Variants in JAZF1 observed in about 807,000 individuals in gnomAD.
The protein encoded by JAZF1 is juxtaposed with another zinc finger protein 1.
In JAZF1, 8 loss-of-function variants were observed where a neutral mutation model predicts 26.4. The observed-to-expected ratio is 0.30, with a 90% CI of 0.18 to 0.55. JAZF1 has a LOEUF of 0.55. Among genes scored for constraint, JAZF1 ranks in the 20% least tolerant of loss-of-function variants. The pLI, the probability that JAZF1 is intolerant of heterozygous loss-of-function variation, is 0.94. For synonymous variants in JAZF1, 126 were observed against 122.3 expected (o/e 1.03, Z -0.20); for missense variants, 199 against 322.0 (o/e 0.62, Z 2.92).
rs928220824 is a variant in JAZF1, at chr7:28,079,809, C to T, written c.116-87828G>A. 2.6e-5 allele frequency among the ~76,000 whole-genome samples: 4 copies of T among 152,188 alleles called. No homozygotes were observed. In the East Asian group the frequency reaches 5.8e-4, roughly 22 times the overall value. ...TAATAACCTTTATTGACTGCAGCAT[C>T]GGTTTACGAACCCTGCTGATTGTTC... On this transcript the variant is annotated intron_variant, in intron 1 of 4. Coordinates refer to ENST00000283928, the MANE Select transcript of JAZF1 (RefSeq NM_175061.4).
At chr7:28,146,918 G>A (rs1198548201) in intron 1 of JAZF1, among the ~76,000 whole-genome samples, 1 of 149,670 alleles carries the variant, frequency 6.7e-6, no homozygotes, top group Non-Finnish European at 1.5e-5. Context: ...GTGCAATGGC[G>A]TGATCTCAGC....
intron 1 of JAZF1, among the ~76,000 whole-genome samples, chr7:28,120,418 T>C (rs985883979): frequency 6.6e-6 from 1 of 150,470 alleles, no homozygotes. Flanking sequence ...AATAGAAATA[T>C]GAAGGAAGTC....
rs74420532 is a variant in JAZF1, at chr7:27,884,084, C to T, written c.385+11136G>A. Among the ~76,000 whole-genome samples the T allele has an allele frequency of 8.4e-3, 1,274 of 152,314 alleles. 16 individuals carry two copies. Among genetic ancestry groups the T allele is most frequent in the African/African-American group, 0.028 (1,160 of 41,554 alleles). On this transcript the variant is annotated intron_variant, in intron 3 of 4. Coordinates refer to ENST00000283928, the MANE Select transcript of JAZF1 (RefSeq NM_175061.4). ...GTGGACTCCTGTTCTTCATTCCTGC[C>T]TGAGCAACCACTCTTTTGTTTCAAT...
intron 1 of JAZF1, among the ~76,000 whole-genome samples, chr7:28,031,445 C>T (rs554500456): frequency 3.3e-5 from 5 of 152,274 alleles, no homozygotes; most frequent in African/African-American, 1.2e-4. Flanking sequence ...TATCCCACCC[C>T]TCAGCCCCAG....
At chr7:28,062,984 T>C (rs1319942794) in intron 1 of JAZF1, among the ~76,000 whole-genome samples, 2 of 152,190 alleles carry the variant, frequency 1.3e-5, no homozygotes, top group African/African-American at 2.4e-5. Context: ...AGCTGAAATG[T>C]TGGCCAACTA....
intron 3 of JAZF1, chr7:27,846,487 T>C: frequency 2.1e-6 from 1 of 470,996 alleles, no homozygotes; most frequent in Non-Finnish European, 4.4e-6. Flanking sequence ...AATTCTTGTC[T>C]GCTGTAATGC....
intron 2 of JAZF1, among the ~76,000 whole-genome samples, chr7:27,948,865 G>T (rs78806487): frequency 6.6e-6 from 1 of 152,136 alleles, no homozygotes; most frequent in Non-Finnish European, 1.5e-5. Flanking sequence ...TTTGTGCAGC[G>T]TTCTACCCTA....
At chr7:28,078,098 G>T (rs190074087) in intron 1 of JAZF1, among the ~76,000 whole-genome samples, 17 of 152,202 alleles carry the variant, frequency 1.1e-4, no homozygotes, top group Admixed American at 7.9e-4. Context: ...TGTGTTAGAT[G>T]AAAAAAATTG....
At chr7:27,877,243 C>G (rs1313191869) in intron 3 of JAZF1, among the ~76,000 whole-genome samples, 1 of 152,212 alleles carries the variant, frequency 6.6e-6, no homozygotes, top group Non-Finnish European at 1.5e-5. Flanking sequence ...GAAGCCTGCC[C>G]ATGGCTCCGA....
chr7:27,850,561 C>T (rs992861208), intron 3 of JAZF1, among the ~76,000 whole-genome samples: 4 of 152,194 alleles, frequency 2.6e-5, no homozygotes, highest in East Asian at 1.9e-4. Flanking sequence ...ACTGCTGGAA[C>T]CACAAGGAGC....
chr7:27,978,265 A>G (rs550169927), intron 2 of JAZF1, among the ~76,000 whole-genome samples: 9 of 152,190 alleles, frequency 5.9e-5, no homozygotes, highest in Non-Finnish European at 1.0e-4. Flanking sequence ...ATTCGAACCT[A>G]AACAGTCTGA....
chr7:28,011,276 T>G (rs912973952), intron 1 of JAZF1, among the ~76,000 whole-genome samples: 2 of 152,234 alleles, frequency 1.3e-5, no homozygotes, highest in African/African-American at 4.8e-5. Flanking sequence ...TCAATTATAG[T>G]CTCTTGAAAG....
Position 27,840,606 on chromosome 7 carries a change from C to G in JAZF1, c.555+92G>C, listed in dbSNP as rs975998322. The G allele has an allele frequency of 1.5e-6, 2 of 1,330,764 alleles. No homozygotes were observed. Among genetic ancestry groups the G allele is most frequent in the South Asian group, 2.6e-5 (2 of 76,376 alleles). The allele number at this position is 1,330,764 out of a possible 1,614,324, so 82.4% of individuals were successfully genotyped here. A position where few individuals can be genotyped will look rare whatever the true frequency, so the allele number is the denominator to read the frequency against. Reference sequence around the variant, plus strand: ...GGGGAGTGTCTCCCCCCAGCCCATACGCTCGCTTTAAAATCAAGAAAGGGC... The same window carrying G: ...GGGGAGTGTCTCCCCCCAGCCCATAGGCTCGCTTTAAAATCAAGAAAGGGC... On this transcript the variant is annotated intron_variant, in intron 4 of 4. Coordinates refer to ENST00000283928, the MANE Select transcript of JAZF1 (RefSeq NM_175061.4). This position sits in a 1 kb window ranked among gnomAD's most constrained non-coding sequence, Gnocchi z 5.1.
At chr7:27,841,834 A>G (rs1322065141) in intron 3 of JAZF1, 1 of 152,192 alleles carries the variant, frequency 6.6e-6, no homozygotes, top group African/African-American at 2.4e-5. Context: ...TACCGATCAT[A>G]AACAGTGTAA....
chr7:28,032,433 T>C (rs1039205901), intron 1 of JAZF1, among the ~76,000 whole-genome samples: 3 of 152,164 alleles, frequency 2.0e-5, no homozygotes, highest in Non-Finnish European at 2.9e-5. Flanking sequence ...CTTATAGTTT[T>C]GGAATTAAAG....
At chr7:28,004,333 A>C (rs944776270) in intron 1 of JAZF1, among the ~76,000 whole-genome samples, 2 of 152,064 alleles carry the variant, frequency 1.3e-5, no homozygotes. Flanking sequence ...GCCATTTCTA[A>C]ATCAACAAGA....
chr7:28,060,324 A>T (rs1460718638), intron 1 of JAZF1, among the ~76,000 whole-genome samples: 1 of 152,162 alleles, frequency 6.6e-6, no homozygotes, highest in Non-Finnish European at 1.5e-5. Context: ...TTGCAGGTTG[A>T]TTCTGCTGAC....
intron 2 of JAZF1, among the ~76,000 whole-genome samples, chr7:27,947,646 CAT>C (rs1338752148): frequency 1.3e-5 from 2 of 152,194 alleles, no homozygotes; most frequent in African/African-American, 4.8e-5. Context: ...AAACTCTAAA[CAT>C]AGTGAATTTC....
At chr7:27,833,137 G>A (rs932798056) in intron 4 of JAZF1, 161 bp from the exon 5 acceptor site, 1 of 504,926 alleles carries the variant, frequency 2.0e-6, no homozygotes, top group Non-Finnish European at 3.5e-6. Context: ...ACATTCTGGT[G>A]TGTCGGTCAT....
Sources: allele counts gnomAD v4.1 joint callset (sites outside exome capture counted in the v4.1 genomes callset), GRCh38; gene constraint gnomAD v4.1.1; non-coding constraint Gnocchi (gnomAD v3.1); transcripts MANE v1.5; gene names NCBI Gene and HGNC (gene_info 2026-07-23, HGNC 2026-07-21).